The following PDE4D variants were observed in gnomAD, a reference collection of about 807,000 sequenced individuals.
PDE4D encodes phosphodiesterase 4D, also known as 3',5'-cyclic-AMP phosphodiesterase 4D.
PDE4D carries 24 observed loss-of-function variants against 87.4 expected under a neutral mutation model. The observed-to-expected ratio is 0.27, with a 90% confidence interval of 0.20 to 0.39. PDE4D has a LOEUF of 0.39. Among genes scored for constraint, PDE4D ranks in the 10% least tolerant of loss-of-function variants. PDE4D has a pLI of 1.00. For synonymous variants in PDE4D, 384 were observed against 383.2 expected (o/e 1.00, Z -0.02); for missense variants, 714 against 1,041.0 (o/e 0.69, Z 4.32).
chr5:60,364,975 A>T (rs909564578), intron 1 of PDE4D, among the ~76,000 whole-genome samples: 59 of 152,196 alleles, frequency 3.9e-4, no homozygotes, highest in Non-Finnish European at 5.4e-4. Flanking sequence ...CAGAAAATAA[A>T]TTTTTTTTAA....
chr5:60,066,312 T>C (rs1011919213), intron 2 of PDE4D, among the ~76,000 whole-genome samples: 18 of 152,156 alleles, frequency 1.2e-4, no homozygotes, highest in African/African-American at 3.9e-4. Flanking sequence ...TTTGTTTGAG[T>C]TCATTGTAGA....
intron 1 of PDE4D, among the ~76,000 whole-genome samples, chr5:59,751,668 C>T (rs536616327): frequency 6.6e-6 from 1 of 150,678 alleles, no homozygotes; most frequent in Admixed American, 6.6e-5. Flanking sequence ...TGTTAGCAAT[C>T]CTTCAAAATC....
intron 1 of PDE4D, among the ~76,000 whole-genome samples, chr5:59,792,337 AT>A (rs999902325): frequency 3.3e-5 from 5 of 149,408 alleles, no homozygotes; most frequent in Admixed American, 6.7e-5. Flanking sequence ...GTTTACTTTT[AT>A]TTTTTTTCAT....
chr5:59,998,007 G>A (rs1440544003), intron 2 of PDE4D, among the ~76,000 whole-genome samples: 1 of 152,174 alleles, frequency 6.6e-6, no homozygotes, highest in Non-Finnish European at 1.5e-5. Context: ...GGCCATCTAG[G>A]CCTGGCTCCA....
intron 1 of PDE4D, among the ~76,000 whole-genome samples, chr5:59,618,077 G>A (rs1045622004): frequency 6.6e-6 from 1 of 151,636 alleles, no homozygotes; most frequent in African/African-American, 2.4e-5. Flanking sequence ...GAGAGTTTAT[G>A]TGTCATGTAA....
intron 3 of PDE4D, among the ~76,000 whole-genome samples, chr5:59,913,615 T>C (rs1753681530): frequency 1.3e-5 from 2 of 152,296 alleles, no homozygotes; most frequent in South Asian, 4.1e-4. Flanking sequence ...TAAATAGTCA[T>C]GGTATAGTAA....
intron 1 of PDE4D, among the ~76,000 whole-genome samples, chr5:59,359,231 T>C (rs908584486): frequency 6.6e-5 from 10 of 152,320 alleles, no homozygotes; most frequent in Middle Eastern, 3.4e-3. Context: ...TCCCCCTGCT[T>C]TGTAAAGGCA....
chr5:59,980,138 A>T (rs1266186528), intron 3 of PDE4D, among the ~76,000 whole-genome samples: 1 of 152,218 alleles, frequency 6.6e-6, no homozygotes, highest in East Asian at 1.9e-4. Flanking sequence ...TTTCATAAAC[A>T]CAAATACTGT....
chr5:59,819,001 A>C (rs2152686420), intron 1 of PDE4D, among the ~76,000 whole-genome samples: 1 of 152,364 alleles, frequency 6.6e-6, no homozygotes, highest in African/African-American at 2.4e-5. Context: ...ACAAGCAATC[A>C]AAATGGACCT....
chr5:59,738,203 T>C (rs1177970802), intron 1 of PDE4D, among the ~76,000 whole-genome samples: 2 of 152,162 alleles, frequency 1.3e-5, no homozygotes, highest in East Asian at 3.8e-4. Flanking sequence ...TGCTCAGTAA[T>C]ACACGCAATG....
chr5:59,113,799 T>C (rs1773092112), intron 5 of PDE4D, among the ~76,000 whole-genome samples: 1 of 152,168 alleles, frequency 6.6e-6, no homozygotes, highest in African/African-American at 2.4e-5. Context: ...TCCACAACTA[T>C]GAAATAAGAA....
At chr5:60,450,998 G>A (rs1746054948) in intron 1 of PDE4D, among the ~76,000 whole-genome samples, 1 of 152,008 alleles carries the variant, frequency 6.6e-6, no homozygotes. Flanking sequence ...TAGAAGATGG[G>A]TCAAAAATAG....
chr5:59,417,617 C>A (rs1793825312), intron 1 of PDE4D, among the ~76,000 whole-genome samples: 1 of 151,852 alleles, frequency 6.6e-6, no homozygotes, highest in East Asian at 1.9e-4. Flanking sequence ...CACTGTGTGG[C>A]CTTAAACATA....
At chr5:60,014,398 A>G (rs1161782826) in intron 2 of PDE4D, among the ~76,000 whole-genome samples, 1 of 152,176 alleles carries the variant, frequency 6.6e-6, no homozygotes, top group African/African-American at 2.4e-5. Context: ...AAATAATATT[A>G]TTTCTCATTC....
chr5:59,281,635 C>T (rs1765814890), intron 1 of PDE4D, among the ~76,000 whole-genome samples: 1 of 152,070 alleles, frequency 6.6e-6, no homozygotes, highest in Admixed American at 6.6e-5. Context: ...CCCCCTGTTG[C>T]ACAACGATTA....
chr5:59,243,849 T>C (rs1417429518), intron 1 of PDE4D, among the ~76,000 whole-genome samples: 2 of 152,086 alleles, frequency 1.3e-5, no homozygotes, highest in Admixed American at 1.3e-4. Context: ...TTAAACTCTT[T>C]GACCCAGTAA....
chr5:59,426,655 C>T (rs761062819), intron 1 of PDE4D, among the ~76,000 whole-genome samples: 3 of 152,218 alleles, frequency 2.0e-5, no homozygotes, highest in South Asian at 2.1e-4. Context: ...GGGAAGAAGG[C>T]GGCTGGGTGA....
chr5:59,368,696 G>A (rs1295226569), intron 1 of PDE4D, among the ~76,000 whole-genome samples: 1 of 152,160 alleles, frequency 6.6e-6, no homozygotes, highest in Non-Finnish European at 1.5e-5. Context: ...TGCTTTATGT[G>A]ATATTCTGAC....
intron 1 of PDE4D, among the ~76,000 whole-genome samples, chr5:59,657,914 C>T (rs1266158921): frequency 3.9e-5 from 6 of 152,078 alleles, no homozygotes; most frequent in Admixed American, 2.0e-4. Flanking sequence ...TTGTGTTATT[C>T]CTCTGCAAAT....
Sources: allele counts gnomAD v4.1 joint callset (sites outside exome capture counted in the v4.1 genomes callset), GRCh38; gene constraint gnomAD v4.1.1; transcripts MANE v1.5; gene names NCBI Gene and HGNC (gene_info 2026-07-23, HGNC 2026-07-21).